The following PDZD2 variants were observed in gnomAD, a reference collection of about 807,000 sequenced individuals.
PDZD2 encodes PDZ domain-containing protein 2.
In PDZD2, 90 loss-of-function variants were observed where a neutral mutation model predicts 220.7. The ratio of observed to expected loss-of-function variants is 0.41; its 90% CI spans 0.34 to 0.49. The LOEUF (loss-of-function observed/expected upper bound fraction) is 0.49, where lower values mean the gene tolerates loss of function less well. PDZD2 is among the 20% of genes least tolerant of loss of function. The probability of loss-of-function intolerance (pLI) is 0.28; values close to 1 mark genes in which losing one functional copy is unlikely to be tolerated. For synonymous variants in PDZD2, 1,375 were observed against 1,450.5 expected, an observed-to-expected ratio of 0.95 and a Z score of 1.18; for missense variants, 3,174 against 3,608.5, an observed-to-expected ratio of 0.88 and a Z score of 3.08.
chr5:32,037,341 A>G lies in PDZD2; in HGVS notation c.1518A>G (p.Ser506=). 1 of 1,576,782 alleles carries G rather than the reference A, an allele frequency of 6.3e-7. No individual in the cohort carries two copies. The highest frequency in any genetic ancestry group is 1.1e-5 in the South Asian group (1 of 90,186). ...AAATCAAGCTCAAGAGTCGCCTTTC[A>G]GGTAGGTGGGGGCTCTACCTGATGC... ...SNKIKLKSRL[S]GGVHRLESVE... is the part of the protein sequence containing the mutation. Residue 506 remains serine (S), a splice_region_variant and synonymous_variant, in exon 7 of 25, where the codon TCA becomes TCG. Coordinates refer to ENST00000438447, the MANE Select transcript of PDZD2 (RefSeq NM_178140.4).
chr5:31,862,785 T>C (rs549742714), intron 2 of PDZD2, among the ~76,000 whole-genome samples: 1 of 152,268 alleles, frequency 6.6e-6, no homozygotes, highest in South Asian at 2.1e-4. Context: ...TGGAGTGCAG[T>C]GGCCTGATCT....
At chr5:31,914,314 G>A (rs984841414) in intron 2 of PDZD2, among the ~76,000 whole-genome samples, 94 of 152,172 alleles carry the variant, frequency 6.2e-4, no homozygotes, top group Non-Finnish European at 1.1e-3. Context: ...GGTGGATCAC[G>A]AGGTCAGGAG....
intron 1 of PDZD2, among the ~76,000 whole-genome samples, chr5:31,640,008 G>C (rs908710060): frequency 6.6e-6 from 1 of 152,038 alleles, no homozygotes; most frequent in Non-Finnish European, 1.5e-5. Context: ...GGGAGATGGG[G>C]AACATAGTGA....
At chr5:31,970,904 A>G (rs1461295587) in intron 2 of PDZD2, among the ~76,000 whole-genome samples, 2 of 152,208 alleles carry the variant, frequency 1.3e-5, no homozygotes, top group African/African-American at 4.8e-5. Context: ...TCTTCGGACC[A>G]GTCTGCTGCT....
intron 1 of PDZD2, among the ~76,000 whole-genome samples, chr5:31,664,659 G>A (rs2150114048): frequency 6.6e-6 from 1 of 152,340 alleles, no homozygotes; most frequent in East Asian, 1.9e-4. Context: ...CCCAGCATGG[G>A]TGTCATACAG....
chr5:31,963,581 G>A (rs569293561), intron 2 of PDZD2, among the ~76,000 whole-genome samples: 23 of 152,308 alleles, frequency 1.5e-4, no homozygotes, highest in Non-Finnish European at 2.4e-4. Flanking sequence ...AGCCTCGCTG[G>A]GATGGGCAGC....
In PDZD2 at chr5:31,938,772, C is replaced by T. The variant is rs561533747; in HGVS notation, c.477-44383C>T. Among the ~76,000 whole-genome samples the T allele has an allele frequency of 4.3e-4, 64 of 149,878 alleles. No homozygotes were observed. The Middle Eastern group carries it at 0.024, about 56-fold the overall frequency. On this transcript the variant is annotated intron_variant, in intron 2 of 24. Coordinates refer to ENST00000438447, the MANE Select transcript of PDZD2 (RefSeq NM_178140.4). ...GCCCTCTAAGAAAGCTTACTGTAGG[C>T]CCTCCAACCTTACCTCTGAACATGC...
chr5:31,729,099 CTTTTTTTTTTTT>C (rs10650811), intron 1 of PDZD2, among the ~76,000 whole-genome samples: 43,246 of 124,012 alleles, frequency 0.35, 6,753 homozygotes, highest in Middle Eastern at 0.38. Context: ...TGATCGAAAT[CTTTTTTTTTTTT>C]TTTTTTTTTG....
chr5:31,694,579 C>T (rs181147588), intron 1 of PDZD2, among the ~76,000 whole-genome samples: 5 of 152,072 alleles, frequency 3.3e-5, no homozygotes, highest in Admixed American at 1.3e-4. Context: ...AGATGCTTCA[C>T]GAGATGCTGA....
chr5:31,886,714 T>C (rs1027447154), intron 2 of PDZD2, among the ~76,000 whole-genome samples: 1 of 149,480 alleles, frequency 6.7e-6, no homozygotes, highest in African/African-American at 2.5e-5. Context: ...TTTTTTTTTT[T>C]TGAGACGGAG....
At chr5:31,698,674 A>G (rs1411016408) in intron 1 of PDZD2, among the ~76,000 whole-genome samples, 1 of 152,100 alleles carries the variant, frequency 6.6e-6, no homozygotes, top group Non-Finnish European at 1.5e-5. Context: ...AATGTTTTAC[A>G]TACATCATTC....
intron 2 of PDZD2, among the ~76,000 whole-genome samples, chr5:31,860,646 G>A (rs771581763): frequency 9.2e-5 from 14 of 152,084 alleles, no homozygotes; most frequent in African/African-American, 1.7e-4. Context: ...AGGCTACATC[G>A]AACTTTCATC....
At chr5:32,014,575 T>G (rs1561351514) in intron 6 of PDZD2, among the ~76,000 whole-genome samples, 1 of 152,082 alleles carries the variant, frequency 6.6e-6, no homozygotes, top group Non-Finnish European at 1.5e-5. Context: ...ACCACAAGAT[T>G]AAAGACTGCC....
intron 1 of PDZD2, among the ~76,000 whole-genome samples, chr5:31,650,190 A>G (rs949619143): frequency 5.3e-5 from 8 of 152,094 alleles, no homozygotes; most frequent in Admixed American, 6.5e-5. Context: ...GAATTATCCA[A>G]TAGACACTCA....
chr5:31,712,164 G>A (rs943162138), intron 1 of PDZD2: 4 of 152,294 alleles, frequency 2.6e-5, no homozygotes, highest in African/African-American at 7.2e-5. Context: ...TTGCCTTGGA[G>A]TGGGTCCCGT....
chr5:31,907,172 C>T (rs145324677), intron 2 of PDZD2, among the ~76,000 whole-genome samples: 2 of 152,340 alleles, frequency 1.3e-5, no homozygotes, highest in African/African-American at 4.8e-5. Flanking sequence ...TGATAAAATA[C>T]TGCATGGCTG....
intron 2 of PDZD2, chr5:31,923,281 G>A (rs562237786): frequency 7.1e-6 from 4 of 566,718 alleles, no homozygotes; most frequent in South Asian, 5.8e-5. Context: ...AAATAGATAA[G>A]TAAAAATAAA....
intron 7 of PDZD2, among the ~76,000 whole-genome samples, chr5:32,047,721 T>A (rs1448637817): frequency 6.6e-6 from 1 of 152,088 alleles, no homozygotes; most frequent in Non-Finnish European, 1.5e-5. Flanking sequence ...CCACCAACAA[T>A]AGAATGGATA....
At chr5:31,780,314 G>T (rs982854579) in intron 1 of PDZD2, among the ~76,000 whole-genome samples, 1 of 152,036 alleles carries the variant, frequency 6.6e-6, no homozygotes. Context: ...AGGATGCCGG[G>T]GGGGCTTCAG....
Sources: gnomAD v4.1 joint callset for allele counts (sites outside exome capture counted in the v4.1 genomes callset) on GRCh38, gnomAD v4.1.1 for gene constraint, MANE v1.5 for transcripts, NCBI Gene and HGNC (gene_info 2026-07-23, HGNC 2026-07-21) for gene names.